NUP98: variants seen among roughly 807,000 people sequenced by gnomAD.
NUP98 encodes the protein nuclear pore complex protein Nup98-Nup96.
Under a neutral mutation model 191.9 loss-of-function variants are expected in NUP98, and 26 were observed. The ratio of observed to expected loss-of-function variants is 0.14; its 90% CI spans 0.10 to 0.19. The LOEUF is 0.19. NUP98 is among the 10% of genes least tolerant of loss of function. The pLI is 1.00. For synonymous variants in NUP98, 808 were observed against 778.4 expected (o/e 1.04, Z -0.63); for missense variants, 1,941 against 2,178.8 (o/e 0.89, Z 2.17).
intron 20 of NUP98, among the ~76,000 whole-genome samples, chr11:3,708,255 T>G (rs2078922359): frequency 1.3e-5 from 2 of 152,022 alleles, no homozygotes; most frequent in South Asian, 4.1e-4. Flanking sequence ...GAGAAAGCAG[T>G]AAACTATAAA....
chr11:3,682,864 T>C (rs769953572), intron 30 of NUP98, among the ~76,000 whole-genome samples: 2 of 152,204 alleles, frequency 1.3e-5, no homozygotes, highest in Non-Finnish European at 2.9e-5. Context: ...AATTCTCCAA[T>C]GGAAAATGTG....
intron 16 of NUP98, 57 bp from the exon 17 acceptor site, chr11:3,720,882 C>T: frequency 1.4e-6 from 1 of 694,706 alleles, no homozygotes. Context: ...TAATCAGCAA[C>T]TAAATCATCA....
At chr11:3,763,107 A>T (rs2081228695) in intron 8 of NUP98, 68 bp from the exon 9 acceptor site, 1 of 1,346,900 alleles carries the variant, frequency 7.4e-7, no homozygotes, top group Non-Finnish European at 1.0e-6. Context: ...TCAGAGTAAT[A>T]AAAAAAAAGT....
At chr11:3,707,738 C>CAAAAAGAAAAAAAAA (rs2078901974) in intron 20 of NUP98, among the ~76,000 whole-genome samples, 1 of 48,568 alleles carries the variant, frequency 2.1e-5, no homozygotes, top group African/African-American at 1.1e-4. Context: ...GACTCTGTCT[C>CAAAAAGAAAAAAAAA]AAAAAAAAAA....
chr11:3,793,255 CATAAT>C (rs1206636473), intron 1 of NUP98, among the ~76,000 whole-genome samples: 1 of 152,118 alleles, frequency 6.6e-6, no homozygotes, highest in East Asian at 1.9e-4. Context: ...AACAAAACAA[CATAAT>C]ATATGTCAGA....
intron 13 of NUP98, among the ~76,000 whole-genome samples, chr11:3,731,965 T>A (rs912389761): frequency 2.6e-5 from 4 of 152,244 alleles, no homozygotes; most frequent in African/African-American, 9.6e-5. Flanking sequence ...TGGGAGGCAT[T>A]ATCTGTGTGT....
chr11:3,750,142 T>A (rs983802293), intron 11 of NUP98, among the ~76,000 whole-genome samples: 1 of 152,144 alleles, frequency 6.6e-6, no homozygotes, highest in Admixed American at 6.6e-5. Context: ...ACTAAATAAT[T>A]TTTTTTAGGA....
At chr11:3,778,731 A>G (rs1211625386) in intron 4 of NUP98, 142 bp downstream of exon 4, 2 of 743,126 alleles carry the variant, frequency 2.7e-6, no homozygotes, top group East Asian at 5.0e-5. Flanking sequence ...TTTTCAGTAC[A>G]TATTGAAGTT....
chr11:3,687,036 C>A (rs1045795182), intron 28 of NUP98, among the ~76,000 whole-genome samples: 1 of 152,058 alleles, frequency 6.6e-6, no homozygotes, highest in Non-Finnish European at 1.5e-5. Context: ...CTCATGCGAT[C>A]CTCTCACTTC....
chr11:3,718,594 G>GGGGAA (rs1453137839), intron 18 of NUP98, among the ~76,000 whole-genome samples: 1 of 151,948 alleles, frequency 6.6e-6, no homozygotes, highest in African/African-American at 2.4e-5. Context: ...AGAAGCGGAA[G>GGGGAA]GGGAAAGGAA....
chr11:3,720,832 C>CAAAAAAAAAAAAAAAAAAAAAA lies in NUP98; in HGVS notation c.2147-8_2147-7insTTTTTTTTTTTTTTTTTTTTTT. ...ACCTTAGTGAGAATAATACCTGTGA[C>CAAAAAAAAAAAAAAAAAAAAAA]AAAAAAAAAAAAAAAAACAGAAAAA... is the stretch of plus-strand genomic sequence containing the variant. On this transcript the variant is annotated splice_polypyrimidine_tract_variant and splice_region_variant and intron_variant, in intron 16 of 32. Transcript: ENST00000324932. 2 of 374,286 alleles carry CAAAAAAAAAAAAAAAAAAAAAA rather than the reference C, an allele frequency of 5.3e-6. No homozygotes were observed. The highest frequency in any genetic ancestry group is 5.8e-5 in the Admixed American group (1 of 17,140). 23.2% of individuals were successfully genotyped at this position (374,286 alleles called of 1,614,324 possible).
intron 2 of NUP98, among the ~76,000 whole-genome samples, chr11:3,779,901 G>A (rs61896894): frequency 0.051 from 7,709 of 152,080 alleles, 256 homozygotes; most frequent in Middle Eastern, 0.099. Flanking sequence ...GCCGAGGTGG[G>A]CGAATCATTT....
intron 20 of NUP98, among the ~76,000 whole-genome samples, chr11:3,709,939 A>G (rs1056614479): frequency 6.1e-5 from 9 of 148,544 alleles, no homozygotes; most frequent in Non-Finnish European, 7.4e-5. Flanking sequence ...TAACCTGCAC[A>G]CTGTGCACAT....
rs1388950296 is a variant in NUP98, at chr11:3,693,343, G to A, written c.4200C>T (p.Asn1400=). Residue 1400 remains asparagine (N), a synonymous_variant, in exon 27 of 33, where the codon AAC becomes AAT. Transcript: ENST00000324932. ...GTTTCCAATCCAACTGGGAGCACACGTTTATTTGCTTCTTTTCTGAGAGCT... is the reference window on the plus strand; with the variant it reads ...GTTTCCAATCCAACTGGGAGCACACATTTATTTGCTTCTTTTCTGAGAGCT... ...VWQLSEKKQI[N]VCSQLDWKRS... 6 of 1,614,114 alleles carry A rather than the reference G, an allele frequency of 3.7e-6. No individual in the cohort carries two copies. In the East Asian group the frequency reaches 8.9e-5, roughly 24 times the overall value.
chr11:3,741,232 C>A (rs1343866469), intron 12 of NUP98, among the ~76,000 whole-genome samples: 1 of 152,028 alleles, frequency 6.6e-6, no homozygotes. Context: ...AAAATTTTAT[C>A]CCAACTGAGT....
At chr11:3,696,847 G>C (rs1393574934) in intron 25 of NUP98, 1 of 151,626 alleles carries the variant, frequency 6.6e-6, no homozygotes, top group Non-Finnish European at 1.5e-5. Flanking sequence ...CAAAAAAAAA[G>C]GGGGGGAGTA....
intron 22 of NUP98, among the ~76,000 whole-genome samples, chr11:3,703,248 G>A (rs914513905): frequency 1.2e-4 from 17 of 136,906 alleles, no homozygotes; most frequent in Admixed American, 2.4e-4. Context: ...ACAGAGTCTC[G>A]CCCTGTAGCC....
intron 6 of NUP98, 33 bp from the exon 7 acceptor site, chr11:3,771,961 A>G: frequency 6.4e-7 from 1 of 1,571,764 alleles, no homozygotes. Context: ...TCTAATCTTA[A>G]CATGCAGCTA....
chr11:3,783,140 C>A (rs890368776), intron 1 of NUP98, among the ~76,000 whole-genome samples: 3 of 152,182 alleles, frequency 2.0e-5, no homozygotes, highest in Admixed American at 6.6e-5. Flanking sequence ...ACCTCTAATC[C>A]TGACAGCTTG....
Sources: gnomAD v4.1 joint callset for allele counts (sites outside exome capture counted in the v4.1 genomes callset) on GRCh38, gnomAD v4.1.1 for gene constraint, MANE v1.5 for transcripts, NCBI Gene and HGNC (gene_info 2026-07-23, HGNC 2026-07-21) for gene names.